Variants in KLHL29 observed in about 807,000 individuals in gnomAD.
KLHL29 encodes the protein kelch like family member 29.
A neutral mutation model predicts 80.4 loss-of-function variants in KLHL29; 21 were observed. That is an observed-to-expected ratio of 0.26 (90% CI 0.19 to 0.38). KLHL29 has a LOEUF of 0.38. Ranked by LOEUF, KLHL29 falls within the 10% of genes least tolerant of loss-of-function variation. The pLI, the probability that KLHL29 is intolerant of heterozygous loss-of-function variation, is 1.00. For synonymous variants in KLHL29, 511 were observed against 526.8 expected (o/e 0.97, Z 0.41); for missense variants, 867 against 1,223.9 (o/e 0.71, Z 4.35).
intron 5 of KLHL29, chr2:23,667,573 G>C (rs1278751100): frequency 1.3e-5 from 2 of 152,564 alleles, no homozygotes; most frequent in African/African-American, 2.4e-5. Flanking sequence ...GCCAGTGCCA[G>C]CGCCAGCACG....
chr2:23,642,509 T>C lies in KLHL29; in HGVS notation c.599T>C (p.Met200Thr), dbSNP rs1464216399. The C allele has an allele frequency of 1.3e-5, 20 of 1,526,432 alleles. No homozygotes were observed. Among genetic ancestry groups the C allele is most frequent in the Non-Finnish European group, 1.7e-5 (19 of 1,130,090 alleles). The allele number at this position is 1,526,432 out of a possible 1,614,324, so 94.6% of individuals were successfully genotyped here. The change falls in exon 5 of 14, where the codon ATG (methionine) becomes ACG (threonine). Residue 200 changes from methionine to threonine, a missense_variant. Physicochemically the swap from Met to Thr is moderately conservative, Grantham distance 81 (BLOSUM62 -1). Around this residue, in one of 2 missense-constraint regions of KLHL29, gnomAD observed 424 missense variants for 456.9 expected, o/e 0.93. Transcript: ENST00000486442. The part of the protein sequence containing the change: ...PPHVGPQLPL[M>T]PGHYSLPQPP... ...CACGTGGGGCCCCAGCTCCCGCTGA[T>C]GCCAGGCCACTACTCGCTCCCTCAG... is the stretch of plus-strand genomic sequence containing the variant.
In KLHL29 at chr2:23,414,245, G is replaced by A. The variant is rs562543308; in HGVS notation, c.-154+28465G>A. Among the ~76,000 whole-genome samples, 3 of 152,316 alleles carry A rather than the reference G, an allele frequency of 2.0e-5. No individual in the cohort carries two copies. The East Asian group carries it at 5.8e-4, about 29-fold the overall frequency. On this transcript the variant is annotated intron_variant, in intron 1 of 13. Transcript: ENST00000486442. Reference sequence around the variant, plus strand: ...AGTGGATCTCAAATGAATGTGCAAAGCTTCCTGTGAGCTGGGGCCGGCCCC... The same window carrying A: ...AGTGGATCTCAAATGAATGTGCAAAACTTCCTGTGAGCTGGGGCCGGCCCC...
At chr2:23,615,617 T>C (rs487305) in intron 3 of KLHL29, among the ~76,000 whole-genome samples, 120,781 of 152,056 alleles carry the variant, frequency 0.79, 48,273 homozygotes, top group East Asian at 1. Flanking sequence ...CGGAGGGAAG[T>C]TGCTGAAGTT....
intron 3 of KLHL29, among the ~76,000 whole-genome samples, chr2:23,568,033 CAA>C (rs1667632157): frequency 6.6e-6 from 1 of 152,182 alleles, no homozygotes; most frequent in Admixed American, 6.5e-5. Context: ...CTGTCAGTCA[CAA>C]AGTGTGTACA....
intron 1 of KLHL29, among the ~76,000 whole-genome samples, chr2:23,469,568 G>C (rs1265614616): frequency 6.6e-6 from 1 of 152,166 alleles, no homozygotes; most frequent in East Asian, 1.9e-4. Flanking sequence ...GAGGATGGAG[G>C]CCTGTTTATA....
intron 2 of KLHL29, among the ~76,000 whole-genome samples, chr2:23,535,806 A>T (rs1236434133): frequency 2.6e-5 from 4 of 152,224 alleles, no homozygotes; most frequent in African/African-American, 9.6e-5. Flanking sequence ...GTTTGGAAAG[A>T]TGAAACATTT....
intron 3 of KLHL29, among the ~76,000 whole-genome samples, chr2:23,601,196 G>A (rs961969320): frequency 5.9e-5 from 9 of 152,224 alleles, no homozygotes; most frequent in East Asian, 5.8e-4. Flanking sequence ...AAAAGGCGTC[G>A]TCAAAAGGGG....
chr2:23,668,418 C>A (rs1670613297), intron 5 of KLHL29: 1 of 152,252 alleles, frequency 6.6e-6, no homozygotes, highest in African/African-American at 2.4e-5. Flanking sequence ...TCCATGACTG[C>A]CCCCACCCCA....
At chr2:23,394,246 A>G (rs935254944) in intron 1 of KLHL29, among the ~76,000 whole-genome samples, 1 of 152,204 alleles carries the variant, frequency 6.6e-6, no homozygotes, top group Non-Finnish European at 1.5e-5. Context: ...AGCTTTAAGC[A>G]TCTGCTTCTG....
chr2:23,662,735 C>T lies in KLHL29; in HGVS notation c.940+19885C>T, dbSNP rs1204833578. On this transcript the variant is annotated intron_variant, in intron 5 of 13. Coordinates refer to ENST00000486442, the MANE Select transcript of KLHL29 (RefSeq NM_052920.2). ...GCTCACCTCCCGAGCCACCTCTCCCCAGCCTGGGCCCACCTACAGACTGTC... is the reference window on the plus strand; with the variant it reads ...GCTCACCTCCCGAGCCACCTCTCCCTAGCCTGGGCCCACCTACAGACTGTC... Among the ~76,000 whole-genome samples, 4 of 152,204 alleles carry T rather than the reference C, an allele frequency of 2.6e-5. No homozygotes were observed. The East Asian group carries it at 7.7e-4, about 29-fold the overall frequency.
intron 2 of KLHL29, among the ~76,000 whole-genome samples, chr2:23,496,582 G>T (rs1435632694): frequency 6.6e-6 from 1 of 152,200 alleles, no homozygotes; most frequent in Non-Finnish European, 1.5e-5. Flanking sequence ...CTTCAGCGGG[G>T]CCAGCGGTGG....
chr2:23,393,184 C>T (rs1238426979), intron 1 of KLHL29, among the ~76,000 whole-genome samples: 1 of 152,110 alleles, frequency 6.6e-6, no homozygotes, highest in African/African-American at 2.4e-5. Flanking sequence ...AAAATGTTTG[C>T]CTGGAGAAGG....
intron 2 of KLHL29, among the ~76,000 whole-genome samples, chr2:23,484,852 T>C (rs1411247466): frequency 1.3e-5 from 2 of 152,206 alleles, no homozygotes; most frequent in Non-Finnish European, 2.9e-5. Flanking sequence ...CTGTTCTCCC[T>C]GACCTACCTG....
intron 2 of KLHL29, among the ~76,000 whole-genome samples, chr2:23,502,432 TCAG>T (rs1185459397): frequency 6.6e-6 from 1 of 152,200 alleles, no homozygotes; most frequent in East Asian, 1.9e-4. Flanking sequence ...GTCGGGTGTT[TCAG>T]CAGCTCTCCC....
At chr2:23,496,095 C>T (rs928159134) in intron 2 of KLHL29, among the ~76,000 whole-genome samples, 6 of 152,182 alleles carry the variant, frequency 3.9e-5, no homozygotes, top group East Asian at 3.9e-4. Flanking sequence ...AGTGCCCGGA[C>T]GGCACTGCTC....
intron 2 of KLHL29, among the ~76,000 whole-genome samples, chr2:23,544,200 G>A (rs548071113): frequency 1.6e-4 from 25 of 152,300 alleles, no homozygotes; most frequent in African/African-American, 6.0e-4. Flanking sequence ...AGACGGGCAC[G>A]AGAACCACGG....
At chr2:23,411,055 C>A (rs529655669) in intron 1 of KLHL29, among the ~76,000 whole-genome samples, 1 of 152,144 alleles carries the variant, frequency 6.6e-6, no homozygotes, top group Non-Finnish European at 1.5e-5. Flanking sequence ...TCTAATTATT[C>A]ATGTAATAAA....
intron 5 of KLHL29, among the ~76,000 whole-genome samples, chr2:23,661,647 G>T (rs2149170082): frequency 6.6e-6 from 1 of 152,386 alleles, no homozygotes; most frequent in African/African-American, 2.4e-5. Context: ...CCGAGTAGAG[G>T]TGCCCCCACA....
intron 3 of KLHL29, among the ~76,000 whole-genome samples, chr2:23,604,581 G>A (rs1450853601): frequency 1.3e-5 from 2 of 152,128 alleles, no homozygotes; most frequent in Admixed American, 6.5e-5. Flanking sequence ...GCCTTGGGGG[G>A]CTTTTCCTTC....
Sources: allele counts gnomAD v4.1 joint callset (sites outside exome capture counted in the v4.1 genomes callset), GRCh38; gene constraint gnomAD v4.1.1; regional missense constraint gnomAD v4.1.1; transcripts MANE v1.5; gene names NCBI Gene and HGNC (gene_info 2026-07-23, HGNC 2026-07-21).